GCNT1: variants seen among roughly 807,000 people sequenced by gnomAD.
GCNT1 encodes beta-1,3-galactosyl-O-glycosyl-glycoprotein beta-1,6-N-acetylglucosaminyltransferase.
A neutral mutation model predicts 26.2 loss-of-function variants in GCNT1; 16 were observed. The ratio of observed to expected loss-of-function variants is 0.61; its 90% CI spans 0.41 to 0.93. The LOEUF is 0.93. GCNT1 is among the 40% of genes least tolerant of loss of function. The probability of loss-of-function intolerance (pLI) is 0.00; values close to 1 mark genes in which losing one functional copy is unlikely to be tolerated. For synonymous variants in GCNT1, 183 were observed against 190.8 expected, an observed-to-expected ratio of 0.96 and a Z score of 0.34; for missense variants, 477 against 526.7, an observed-to-expected ratio of 0.91 and a Z score of 0.92.
At position 76,475,858 on chromosome 9, in the gene GCNT1, G is replaced by A. The variant is rs189879911; in HGVS notation, c.-290+15681G>A. Among the ~76,000 whole-genome samples the A allele has an allele frequency of 2.8e-4, 40 of 142,620 alleles. 1 individual carries two copies. Among genetic ancestry groups the A allele is most frequent in the Middle Eastern group, 7.0e-3 (2 of 286 alleles). 93.6% of individuals were successfully genotyped at this position (142,620 alleles called of 152,430 possible). A position where few individuals can be genotyped will look rare whatever the true frequency, so the allele number is the denominator to read the frequency against. ...GCTCAGAGAGGTTAAGCAACTTGCGGAAACCATGCATTTAGGAAGTAACTA... is the reference window on the plus strand; with the variant it reads ...GCTCAGAGAGGTTAAGCAACTTGCGAAAACCATGCATTTAGGAAGTAACTA... On this transcript the variant is annotated intron_variant, in intron 2 of 3. Coordinates refer to ENST00000376730, the MANE Select transcript of GCNT1 (RefSeq NM_001490.5).
the GCNT1 span, among the ~76,000 whole-genome samples, chr9:76,400,152 A>T: frequency 2.6e-5 from 4 of 152,218 alleles, no homozygotes; most frequent in Non-Finnish European, 5.9e-5. Context: ...TACTGTCCTC[A>T]TGAATATATG....
At chr9:76,481,527 C>A (rs908086253) in intron 2 of GCNT1, among the ~76,000 whole-genome samples, 1 of 151,992 alleles carries the variant, frequency 6.6e-6, no homozygotes, top group South Asian at 2.1e-4. Flanking sequence ...AGATTGAACA[C>A]CCCTGCTTTA....
chr9:76,479,392 G>A (rs541894899), intron 2 of GCNT1, among the ~76,000 whole-genome samples: 95 of 152,216 alleles, frequency 6.2e-4, no homozygotes, highest in South Asian at 3.3e-3. Context: ...GGGATGGCTG[G>A]GTCAAGTGGT....
chr9:76,457,984 C>T (rs1823787290), upstream of GCNT1, among the ~76,000 whole-genome samples: 1 of 152,046 alleles, frequency 6.6e-6, no homozygotes, highest in Non-Finnish European at 1.5e-5. Flanking sequence ...TGTGATACCC[C>T]CTACACGAAA....
intron 1 of GCNT1, among the ~76,000 whole-genome samples, chr9:76,432,021 A>G (rs1304056944): frequency 4.6e-5 from 7 of 152,172 alleles, no homozygotes; most frequent in Non-Finnish European, 7.3e-5. Flanking sequence ...AGGCAGAAGA[A>G]TCGCTTAAAC....
chr9:76,458,652 T>C (rs1044567965), upstream of GCNT1, among the ~76,000 whole-genome samples: 11 of 152,192 alleles, frequency 7.2e-5, no homozygotes, highest in Non-Finnish European at 1.6e-4. Flanking sequence ...GGAAGGTTTT[T>C]TCCTACTTTC....
At chr9:76,462,899 A>C (rs1223462836) in intron 2 of GCNT1, among the ~76,000 whole-genome samples, 1 of 152,186 alleles carries the variant, frequency 6.6e-6, no homozygotes, top group Admixed American at 6.5e-5. Flanking sequence ...GTTAAATTTC[A>C]TAAAGTTTAA....
chr9:76,478,440 G>A (rs1410156421), intron 2 of GCNT1, among the ~76,000 whole-genome samples: 1 of 152,086 alleles, frequency 6.6e-6, no homozygotes, highest in African/African-American at 2.4e-5. Context: ...AGAAACTCAG[G>A]ACACATCTGA....
At chr9:76,424,651 G>A (rs1823236933) in intron 1 of GCNT1, among the ~76,000 whole-genome samples, 2 of 152,212 alleles carry the variant, frequency 1.3e-5, no homozygotes, top group Admixed American at 6.5e-5. Context: ...AGAGCACGCT[G>A]AGTAATATAA....
At chr9:76,471,680 A>G (rs1346006493) in intron 2 of GCNT1, among the ~76,000 whole-genome samples, 3 of 151,768 alleles carry the variant, frequency 2.0e-5, no homozygotes, top group South Asian at 2.1e-4. Flanking sequence ...GTGTTTTCCA[A>G]AGACATTTCT....
At chr9:76,479,306 G>T (rs147500401) in intron 2 of GCNT1, among the ~76,000 whole-genome samples, 4 of 152,040 alleles carry the variant, frequency 2.6e-5, no homozygotes, top group African/African-American at 2.4e-5. Flanking sequence ...GAATAGTGCC[G>T]CAATAAACCT....
intron 2 of GCNT1, among the ~76,000 whole-genome samples, chr9:76,498,227 C>T (rs72747381): frequency 0.082 from 12,550 of 152,180 alleles, 576 homozygotes; most frequent in Middle Eastern, 0.17. Context: ...CTTCAGTTCA[C>T]GGTCATTTGG....
At chr9:76,492,282 C>T (rs1824763021) in intron 2 of GCNT1, among the ~76,000 whole-genome samples, 1 of 152,112 alleles carries the variant, frequency 6.6e-6, no homozygotes, top group Non-Finnish European at 1.5e-5. Flanking sequence ...ATAATAGCTC[C>T]AGCTATGGAT....
intron 1 of GCNT1, among the ~76,000 whole-genome samples, chr9:76,428,355 C>T (rs1040806287): frequency 2.0e-5 from 3 of 146,804 alleles, no homozygotes; most frequent in Non-Finnish European, 4.5e-5. Context: ...TACAAGTAGT[C>T]ATTACAATTG....
Position 76,450,234 on chromosome 9 carries a change from T to G in GCNT1, c.-290+7919T>G, listed in dbSNP as rs990551994. Among the ~76,000 whole-genome samples the G allele has an allele frequency of 6.6e-5, 10 of 152,356 alleles. 1 individual carries two copies. Among genetic ancestry groups the G allele is most frequent in the African/African-American group, 2.4e-4 (10 of 41,590 alleles). On this transcript the variant is annotated intron_variant, in intron 1 of 2. Transcript: ENST00000442371. ...CATTCCTTTACTCCAGATAAATCTGTGCTTTTTGACTTTTCCTTTGAAATG... is the reference window on the plus strand; with the variant it reads ...CATTCCTTTACTCCAGATAAATCTGGGCTTTTTGACTTTTCCTTTGAAATG...
intron 2 of GCNT1, among the ~76,000 whole-genome samples, chr9:76,495,382 T>TA (rs1824879135): frequency 6.6e-6 from 1 of 152,142 alleles, no homozygotes; most frequent in Non-Finnish European, 1.5e-5. Context: ...TTACACCTCT[T>TA]AAAGGTGGTG....
chr9:76,496,053 C>G (rs1824900320), intron 2 of GCNT1, among the ~76,000 whole-genome samples: 2 of 152,140 alleles, frequency 1.3e-5, no homozygotes, highest in African/African-American at 2.4e-5. Flanking sequence ...CTGCCCTGGG[C>G]TGACAATCAA....
chr9:76,447,549 C>T (rs969372511), intron 1 of GCNT1, among the ~76,000 whole-genome samples: 10 of 152,128 alleles, frequency 6.6e-5, no homozygotes, highest in Non-Finnish European at 1.3e-4. Flanking sequence ...CCAGCCTAAA[C>T]TGCCTCTTTA....
chr9:76,435,457 C>G (rs980607714), intron 1 of GCNT1, among the ~76,000 whole-genome samples: 1 of 152,174 alleles, frequency 6.6e-6, no homozygotes, highest in Non-Finnish European at 1.5e-5. Context: ...CAAGTTACCA[C>G]AGACTCTGTG....
Sources: gnomAD v4.1 joint callset for allele counts (sites outside exome capture counted in the v4.1 genomes callset) on GRCh38, gnomAD v4.1.1 for gene constraint, MANE v1.5 for transcripts, NCBI Gene and HGNC (gene_info 2026-07-23, HGNC 2026-07-21) for gene names.